GHR: variants seen among roughly 807,000 people sequenced by gnomAD.
The protein encoded by GHR is growth hormone receptor, also known as GH receptor.
Under a neutral mutation model 67.1 loss-of-function variants are expected in GHR, and 35 were observed. That is an observed-to-expected ratio of 0.52 (90% CI 0.40 to 0.69). GHR has a LOEUF of 0.69. Among genes scored for constraint, GHR ranks in the 30% least tolerant of loss-of-function variants. The pLI is 0.00. For synonymous variants in GHR, 272 were observed against 269.1 expected (o/e 1.01, Z -0.10); for missense variants, 792 against 764.6 (o/e 1.04, Z -0.42).
chr5:42,661,983 C>G (rs926872302), intron 3 of GHR, among the ~76,000 whole-genome samples: 4 of 152,150 alleles, frequency 2.6e-5, no homozygotes, highest in African/African-American at 9.6e-5. Context: ...GACTTTAAAC[C>G]AACAAAGATC....
chr5:42,501,322 C>T lies in GHR; in HGVS notation c.-11-64542C>T, dbSNP rs144395943. Among the ~76,000 whole-genome samples, 685 of 151,982 alleles carry T rather than the reference C, an allele frequency of 4.5e-3. 5 individuals carry two copies. Among genetic ancestry groups the T allele is most frequent in the African/African-American group, 0.015 (639 of 41,440 alleles). On this transcript the variant is annotated intron_variant, in intron 1 of 9. Transcript: ENST00000230882. ...TAAAACATATCCAGAAAAGAGAATCCAAGGAAGTGTATTTAGTTCTACCTG... is the reference window on the plus strand; with the variant it reads ...TAAAACATATCCAGAAAAGAGAATCTAAGGAAGTGTATTTAGTTCTACCTG...
rs145067369 is a variant in GHR, at chr5:42,699,487, G to A, written c.440-337G>A. 7.9e-4 allele frequency among the ~76,000 whole-genome samples: 121 copies of A among 152,294 alleles called. No homozygotes were observed. In the East Asian group the frequency reaches 0.017, roughly 21 times the overall value. On this transcript the variant is annotated intron_variant, in intron 5 of 9. Coordinates refer to ENST00000230882, the MANE Select transcript of GHR (RefSeq NM_000163.5). Reference sequence around the variant, plus strand: ...TGACTCTCTGTTTTTTCAGTTTCAAGTGAAAATAAATTCCTTTGCCAAAAT... The same window carrying A: ...TGACTCTCTGTTTTTTCAGTTTCAAATGAAAATAAATTCCTTTGCCAAAAT...
chr5:42,664,662 A>G (rs1755854596), intron 3 of GHR, among the ~76,000 whole-genome samples: 1 of 152,248 alleles, frequency 6.6e-6, no homozygotes, highest in South Asian at 2.1e-4. Context: ...CCTAGGCATT[A>G]TCATTCAGGA....
intron 3 of GHR, among the ~76,000 whole-genome samples, chr5:42,687,067 A>C (rs1004588927): frequency 6.6e-6 from 1 of 152,218 alleles, no homozygotes; most frequent in Non-Finnish European, 1.5e-5. Flanking sequence ...GCAAACTCCC[A>C]TTCACAATTG....
intron 2 of GHR, among the ~76,000 whole-genome samples, chr5:42,606,567 A>T (rs575640828): frequency 6.6e-6 from 1 of 152,332 alleles, no homozygotes; most frequent in African/African-American, 2.4e-5. Flanking sequence ...ACTAAGACTG[A>T]GAACTTAACC....
intron 1 of GHR, among the ~76,000 whole-genome samples, chr5:42,474,195 A>T (rs1396828032): frequency 3.3e-5 from 5 of 151,136 alleles, no homozygotes; most frequent in African/African-American, 4.9e-5. Context: ...TCTCTGAAAG[A>T]GAGAGAGAGA....
chr5:42,680,276 T>G (rs1756792817), intron 3 of GHR, among the ~76,000 whole-genome samples: 1 of 152,182 alleles, frequency 6.6e-6, no homozygotes, highest in Non-Finnish European at 1.5e-5. Flanking sequence ...TCACTTTGGC[T>G]TATGTTCAAT....
chr5:42,443,803 C>T (rs1008681732), intron 1 of GHR, among the ~76,000 whole-genome samples: 1 of 152,196 alleles, frequency 6.6e-6, no homozygotes, highest in African/African-American at 2.4e-5. Context: ...TCTATTAAGG[C>T]ATTCAACTGA....
intron 1 of GHR, among the ~76,000 whole-genome samples, chr5:42,498,651 G>A (rs1746415687): frequency 6.6e-6 from 1 of 152,178 alleles, no homozygotes; most frequent in African/African-American, 2.4e-5. Context: ...CAGAGTAAAA[G>A]GCAAAAGGCA....
At chr5:42,451,979 G>A (rs940682438) in intron 1 of GHR, among the ~76,000 whole-genome samples, 3 of 152,034 alleles carry the variant, frequency 2.0e-5, no homozygotes, top group Non-Finnish European at 4.4e-5. Flanking sequence ...TTAAAATTAT[G>A]TTATTGCTTT....
chr5:42,715,731 G>T (rs1023002437), intron 8 of GHR, among the ~76,000 whole-genome samples: 1 of 152,184 alleles, frequency 6.6e-6, no homozygotes, highest in Non-Finnish European at 1.5e-5. Flanking sequence ...CCTACAAAGT[G>T]TTTGTAAAAT....
At chr5:42,716,945 A>T (rs980356464) in intron 8 of GHR, among the ~76,000 whole-genome samples, 10 of 152,186 alleles carry the variant, frequency 6.6e-5, no homozygotes, top group Admixed American at 5.2e-4. Flanking sequence ...GGAGTTTTTT[A>T]AAAAATTAAA....
chr5:42,685,906 C>A (rs1008183905), intron 3 of GHR, among the ~76,000 whole-genome samples: 13 of 152,054 alleles, frequency 8.5e-5, no homozygotes, highest in African/African-American at 1.2e-4. Flanking sequence ...GTTCACTCTG[C>A]TGGTAGTTTC....
intron 2 of GHR, among the ~76,000 whole-genome samples, chr5:42,579,147 TAGATATAGATAG>T (rs779924497): frequency 0.018 from 1,153 of 63,484 alleles, 10 homozygotes; most frequent in Middle Eastern, 0.026. Context: ...AGATGATAGA[TAGATATAGATAG>T]ATAGATAGAT....
intron 3 of GHR, among the ~76,000 whole-genome samples, chr5:42,684,103 G>T (rs1757021636): frequency 6.6e-6 from 1 of 152,036 alleles, no homozygotes; most frequent in Non-Finnish European, 1.5e-5. Context: ...TTTGTATTTG[G>T]TGTTCTATTG....
At chr5:42,502,848 A>T (rs1347941841) in intron 1 of GHR, among the ~76,000 whole-genome samples, 11 of 148,310 alleles carry the variant, frequency 7.4e-5, no homozygotes, top group Admixed American at 4.1e-4. Flanking sequence ...TAAAATAATA[A>T]TTATTTTTAT....
intron 2 of GHR, among the ~76,000 whole-genome samples, chr5:42,600,918 C>CTTTTTTTTTTTTTTTTTTT (rs933355797): frequency 6.0e-5 from 4 of 66,666 alleles, no homozygotes; most frequent in East Asian, 9.4e-4. Context: ...TCTTTCTATT[C>CTTTTTTTTTTTTTTTTTTT]TTTTTTTTTT....
chr5:42,512,994 G>C (rs1480703356), intron 1 of GHR, among the ~76,000 whole-genome samples: 1 of 151,986 alleles, frequency 6.6e-6, no homozygotes, highest in Non-Finnish European at 1.5e-5. Flanking sequence ...TTTTTTAAAG[G>C]GGTCAGAGAA....
At chr5:42,590,385 A>G (rs186152590) in intron 2 of GHR, among the ~76,000 whole-genome samples, 2 of 152,314 alleles carry the variant, frequency 1.3e-5, no homozygotes, top group East Asian at 3.9e-4. Flanking sequence ...AAATTTTTTT[A>G]AACTAGTGTT....
Sources: gnomAD v4.1 joint callset for allele counts (sites outside exome capture counted in the v4.1 genomes callset) on GRCh38, gnomAD v4.1.1 for gene constraint, MANE v1.5 for transcripts, NCBI Gene and HGNC (gene_info 2026-07-23, HGNC 2026-07-21) for gene names.